The following FRK variants were observed in gnomAD, a reference collection of about 807,000 sequenced individuals.
FRK encodes tyrosine-protein kinase FRK.
A neutral mutation model predicts 56.4 loss-of-function variants in FRK; 51 were observed. That is an observed-to-expected ratio of 0.90 (90% CI 0.72 to 1.14). The LOEUF is 1.14. Ranked by LOEUF, FRK falls within the 50% of genes most tolerant of loss-of-function variation. The probability of loss-of-function intolerance (pLI) is 0.00; values close to 1 mark genes in which losing one functional copy is unlikely to be tolerated. For synonymous variants in FRK, 245 were observed against 217.9 expected, an observed-to-expected ratio of 1.12 and a Z score of -1.10; for missense variants, 570 against 601.4, an observed-to-expected ratio of 0.95 and a Z score of 0.55.
intron 4 of FRK, among the ~76,000 whole-genome samples, chr6:115,960,152 G>A (rs1402907575): frequency 4.0e-5 from 6 of 151,584 alleles, no homozygotes; most frequent in Non-Finnish European, 8.8e-5. Context: ...TCTCACTAGG[G>A]AGTGCCAGAC....
intron 1 of FRK, among the ~76,000 whole-genome samples, chr6:116,024,837 C>T (rs1221574521): frequency 6.6e-6 from 1 of 152,076 alleles, no homozygotes; most frequent in Non-Finnish European, 1.5e-5. Flanking sequence ...TGAGGAATCA[C>T]CACACTGACT....
At position 116,024,057 on chromosome 6, in the gene FRK, TACACACAC is replaced by T. The variant is rs55922355; in HGVS notation, c.345-20067_345-20060del. ...CTGCTGCTATAGAATCCTGAGAACT[TACACACAC>T]ACACACACACACACACACACACACA... On this transcript the variant is annotated intron_variant, in intron 1 of 7. Coordinates refer to ENST00000606080, the MANE Select transcript of FRK (RefSeq NM_002031.3). Among the ~76,000 whole-genome samples, 898 of 136,630 alleles carry T rather than the reference TACACACAC, an allele frequency of 6.6e-3. 6 individuals are homozygous for T. Among genetic ancestry groups the T allele is most frequent in the East Asian group, 0.011 (51 of 4,480 alleles). The allele number at this position is 136,630 out of a possible 152,430, so 89.6% of individuals were successfully genotyped here. A position where few individuals can be genotyped will look rare whatever the true frequency, so the allele number is the denominator to read the frequency against.
chr6:115,971,326 A>G (rs11752170), intron 2 of FRK, among the ~76,000 whole-genome samples: 15,322 of 152,256 alleles, frequency 0.1, 899 homozygotes, highest in South Asian at 0.15. Flanking sequence ...AAGCACTGTG[A>G]GAAACCTGGC....
chr6:116,095,216 C>T, the FRK span, among the ~76,000 whole-genome samples: 1 of 152,184 alleles, frequency 6.6e-6, no homozygotes, highest in Non-Finnish European at 1.5e-5. Context: ...GATGGTTCCT[C>T]CTAGGTGATT....
Position 116,060,626 on chromosome 6 carries a change from A to AAAATT in FRK, c.-320_-316dup, listed in dbSNP as rs1777593849. The AAAATT allele has an allele frequency of 4.1e-6, 1 of 244,464 alleles. No homozygotes were observed. Among genetic ancestry groups the AAAATT allele is most frequent in the Non-Finnish European group, 7.9e-6 (1 of 127,130 alleles). The allele number at this position is 244,464 out of a possible 1,614,324, so 15.1% of individuals were successfully genotyped here. ...AAGAATCCCACAACAAAAATAAAAT[A>AAAATT]AAATTAAAAGGGCTTTATTTAGACA... On this transcript the variant is annotated 5_prime_UTR_variant, in exon 1 of 8. It introduces an in-frame stop codon into an upstream open reading frame of the 5' UTR. Coordinates refer to ENST00000606080, the MANE Select transcript of FRK (RefSeq NM_002031.3).
At chr6:115,977,248 G>A (rs1222830932) in intron 2 of FRK, among the ~76,000 whole-genome samples, 1 of 152,170 alleles carries the variant, frequency 6.6e-6, no homozygotes, top group Non-Finnish European at 1.5e-5. Flanking sequence ...AGCAAATAGA[G>A]TAGGATTCCA....
At chr6:115,962,273 C>T (rs1773403923) in intron 4 of FRK, among the ~76,000 whole-genome samples, 1 of 146,996 alleles carries the variant, frequency 6.8e-6, no homozygotes, top group Non-Finnish European at 1.5e-5. Flanking sequence ...AGACTTTAAA[C>T]CAACAAAGAT....
intron 1 of FRK, among the ~76,000 whole-genome samples, chr6:116,056,529 T>C (rs1008653543): frequency 1.3e-5 from 2 of 152,246 alleles, no homozygotes; most frequent in East Asian, 1.9e-4. Flanking sequence ...ATATTATTGC[T>C]GATCATATTG....
At chr6:116,025,332 T>G (rs1672948021) in intron 1 of FRK, among the ~76,000 whole-genome samples, 1 of 152,200 alleles carries the variant, frequency 6.6e-6, no homozygotes, top group South Asian at 2.1e-4. Flanking sequence ...TGCTCCCAAT[T>G]AGCTGAGGTT....
rs992779928 is a variant in FRK, at chr6:115,994,330, C to A, written c.466+9547G>T. The stretch of plus-strand genomic sequence containing the variant: ...TATCCAGAATCTCACAACCTCCCCC[C>A]CCCCCGCCTTTTTTTTGTCATTATA... On this transcript the variant is annotated intron_variant, in intron 2 of 7. Coordinates refer to ENST00000606080, the MANE Select transcript of FRK (RefSeq NM_002031.3). Among the ~76,000 whole-genome samples the A allele has an allele frequency of 1.5e-4, 16 of 105,896 alleles. 1 individual carries two copies. Among genetic ancestry groups the A allele is most frequent in the Admixed American group, 2.0e-4 (2 of 10,074 alleles). The allele number at this position is 105,896 out of a possible 152,430, so 69.5% of individuals were successfully genotyped here. A position where few individuals can be genotyped will look rare whatever the true frequency, so the allele number is the denominator to read the frequency against.
Position 115,941,985 on chromosome 6 carries a change from C to T in FRK, c.*429G>A. 1 of 162,894 alleles carries T rather than the reference C, an allele frequency of 6.1e-6. No individual in the cohort carries two copies. Among genetic ancestry groups the T allele is most frequent in the Non-Finnish European group, 1.3e-5 (1 of 74,416 alleles). 10.1% of individuals were successfully genotyped at this position (162,894 alleles called of 1,614,324 possible). A position where few individuals can be genotyped will look rare whatever the true frequency, so the allele number is the denominator to read the frequency against. Reference sequence around the variant, plus strand: ...TGCTGTGCAGCAAAGCAATCAAATTCCTTCATAATAACAGCCTGATGGGAT... The same window carrying T: ...TGCTGTGCAGCAAAGCAATCAAATTTCTTCATAATAACAGCCTGATGGGAT... On this transcript the variant is annotated 3_prime_UTR_variant, in exon 8 of 8. Transcript: ENST00000606080.
chr6:116,010,054 C>G (rs957382190), intron 1 of FRK, among the ~76,000 whole-genome samples: 1 of 151,986 alleles, frequency 6.6e-6, no homozygotes, highest in Non-Finnish European at 1.5e-5. Flanking sequence ...GGTGAAACCC[C>G]ATCTCTACTA....
intron 2 of FRK, among the ~76,000 whole-genome samples, chr6:115,972,635 C>T (rs1773851280): frequency 6.6e-6 from 1 of 152,150 alleles, no homozygotes; most frequent in South Asian, 2.1e-4. Flanking sequence ...TATCTTTGAC[C>T]AATTCCTTTG....
chr6:115,987,222 C>G (rs1413412193), intron 2 of FRK, among the ~76,000 whole-genome samples: 1 of 152,012 alleles, frequency 6.6e-6, no homozygotes, highest in Non-Finnish European at 1.5e-5. Context: ...AATCCAAACA[C>G]CACCACCAAG....
At chr6:116,078,274 GTGTTTAACT>G in the FRK span, among the ~76,000 whole-genome samples, 5 of 151,646 alleles carry the variant, frequency 3.3e-5, no homozygotes, top group Admixed American at 6.6e-5. Flanking sequence ...TTTGTTAGAG[GTGTTTAACT>G]TGTTGGATAA....
At chr6:116,078,378 T>A in the FRK span, among the ~76,000 whole-genome samples, 1 of 152,142 alleles carries the variant, frequency 6.6e-6, no homozygotes, top group Non-Finnish European at 1.5e-5. Flanking sequence ...CCTTGACCAA[T>A]CTGGGAAAAT....
In FRK at chr6:115,944,439, G is replaced by A. The variant is rs752232782; in HGVS notation, c.959-14C>T. On this transcript the variant is annotated splice_polypyrimidine_tract_variant and intron_variant, in intron 5 of 7. Coordinates refer to ENST00000606080, the MANE Select transcript of FRK (RefSeq NM_002031.3). ...ATCCAGTGTCATCTAAGTAATAAGAGAAAAGTAAGAAAGTTACCTTAGAGA... is the reference window on the plus strand; with the variant it reads ...ATCCAGTGTCATCTAAGTAATAAGAAAAAAGTAAGAAAGTTACCTTAGAGA... The A allele has an allele frequency of 2.5e-6, 4 of 1,576,686 alleles. No individual in the cohort carries two copies. The East Asian group carries it at 9.0e-5, about 35-fold the overall frequency.
At chr6:116,000,773 T>A (rs1056450243) in intron 2 of FRK, among the ~76,000 whole-genome samples, 3 of 152,204 alleles carry the variant, frequency 2.0e-5, no homozygotes, top group Non-Finnish European at 4.4e-5. Flanking sequence ...CAACTATTTA[T>A]CTGTAAGGAT....
At chr6:116,087,362 C>T in the FRK span, among the ~76,000 whole-genome samples, 3 of 152,184 alleles carry the variant, frequency 2.0e-5, no homozygotes, top group African/African-American at 7.2e-5. Context: ...AACCAATGTA[C>T]CCAACACATA....
Sources: gnomAD v4.1 joint callset for allele counts (sites outside exome capture counted in the v4.1 genomes callset) on GRCh38, gnomAD v4.1.1 for gene constraint, MANE v1.5 for transcripts, NCBI Gene and HGNC (gene_info 2026-07-23, HGNC 2026-07-21) for gene names.